The following TUBB8B variants were observed in gnomAD, a reference collection of about 807,000 sequenced individuals.
TUBB8B encodes the protein HSA18p11 beta-tubulin 4Q pseudogene.
TUBB8B carries 26 observed loss-of-function variants against 31.9 expected under a neutral mutation model. The observed-to-expected ratio is 0.81, with a 90% CI of 0.60 to 1.13. TUBB8B has a LOEUF of 1.13. TUBB8B is among the 50% of genes most tolerant of loss of function. The pLI, the probability that TUBB8B is intolerant of heterozygous loss-of-function variation, is 0.00. For synonymous variants in TUBB8B, 173 were observed against 231.0 expected (o/e 0.75, Z 2.28); for missense variants, 467 against 586.7 (o/e 0.80, Z 2.11).
chr18:48,313 A>C lies in TUBB8B; in HGVS notation c.412T>G (p.Ser138Ala). The stretch of plus-strand genomic sequence containing the variant: ...CCAGACCCAGTCCCCCCACCCAGGG[A>C]GTGGGTCAGCTGGAAACCCTGCAGG... ...DCLQGFQLTH[S>A]LGGGTGSGMG... Residue 138 changes from serine (S) to alanine (A), a missense_variant, in exon 4 of 4, where the codon TCC becomes GCC. Coordinates refer to ENST00000308911, the MANE Select transcript of TUBB8B (RefSeq NM_001358689.2). 6.2e-7 allele frequency: 1 copy of C among 1,610,256 alleles called. No individual in the cohort carries two copies.
the TUBB8B span, among the ~76,000 whole-genome samples, chr18:59,898 C>T: frequency 6.6e-6 from 1 of 151,776 alleles, no homozygotes; most frequent in East Asian, 1.9e-4. Flanking sequence ...GTTGAACCAT[C>T]CTTGTATCTC....
At chr18:64,172 C>A in the TUBB8B span, among the ~76,000 whole-genome samples, 3 of 152,086 alleles carry the variant, frequency 2.0e-5, no homozygotes, top group Non-Finnish European at 4.4e-5. Flanking sequence ...TTACCCCAAC[C>A]CTAAATCAAA....
At chr18:63,338 T>G in the TUBB8B span, among the ~76,000 whole-genome samples, 1 of 151,836 alleles carries the variant, frequency 6.6e-6, no homozygotes, top group Non-Finnish European at 1.5e-5. Flanking sequence ...GTAGCAAACA[T>G]GTAGAGGTAC....
chr18:72,874 G>A, the TUBB8B span, among the ~76,000 whole-genome samples: 1 of 152,132 alleles, frequency 6.6e-6, no homozygotes, highest in African/African-American at 2.4e-5. Context: ...GGCTGAGGCA[G>A]GAGAATCGCT....
upstream of TUBB8B, among the ~76,000 whole-genome samples, chr18:52,454 A>C (rs1428055716): frequency 6.6e-6 from 1 of 151,628 alleles, no homozygotes; most frequent in Non-Finnish European, 1.5e-5. Context: ...TTGGCCTCTA[A>C]TCTGAGTATG....
the TUBB8B span, among the ~76,000 whole-genome samples, chr18:62,428 T>TC: frequency 6.6e-6 from 1 of 150,514 alleles, no homozygotes; most frequent in Non-Finnish European, 1.5e-5. Context: ...TTTAATTTTT[T>TC]TTTTTTTTTT....
the TUBB8B span, among the ~76,000 whole-genome samples, chr18:65,666 C>T: frequency 6.6e-6 from 1 of 152,124 alleles, no homozygotes; most frequent in Admixed American, 6.5e-5. Flanking sequence ...TCATTTTCAT[C>T]ATTGTATTCA....
chr18:62,513 G>A, the TUBB8B span, among the ~76,000 whole-genome samples: 1 of 151,042 alleles, frequency 6.6e-6, no homozygotes, highest in Admixed American at 6.6e-5. Context: ...CCGCCTCTTG[G>A]GTTCACGCCA....
At chr18:64,859 T>A in the TUBB8B span, among the ~76,000 whole-genome samples, 3 of 152,128 alleles carry the variant, frequency 2.0e-5, no homozygotes, top group African/African-American at 7.2e-5. Context: ...TGCTAATTTT[T>A]TCCCCTAAAC....
At chr18:57,441 T>C in the TUBB8B span, among the ~76,000 whole-genome samples, 1 of 151,806 alleles carries the variant, frequency 6.6e-6, no homozygotes, top group Non-Finnish European at 1.5e-5. Flanking sequence ...ATTTTAAGGC[T>C]CCAAAATAAT....
At chr18:51,460 G>C (rs1906102603), upstream of TUBB8B, among the ~76,000 whole-genome samples, 1 of 151,824 alleles carries the variant, frequency 6.6e-6, no homozygotes, top group Non-Finnish European at 1.5e-5. Flanking sequence ...TTATTTTTGA[G>C]ACAGAGTCTT....
At chr18:63,314 AG>A in the TUBB8B span, among the ~76,000 whole-genome samples, 5 of 151,830 alleles carry the variant, frequency 3.3e-5, no homozygotes, top group African/African-American at 1.2e-4. Context: ...TTAGGTCCCA[AG>A]CCCAAAAGCA....
At chr18:68,184 G>T in the TUBB8B span, among the ~76,000 whole-genome samples, 6 of 152,114 alleles carry the variant, frequency 3.9e-5, no homozygotes, top group Non-Finnish European at 5.9e-5. Flanking sequence ...TTATTTTACA[G>T]TAATTTCATA....
chr18:67,602 G>T, the TUBB8B span, among the ~76,000 whole-genome samples: 10 of 152,146 alleles, frequency 6.6e-5, no homozygotes, highest in African/African-American at 2.4e-4. Context: ...CATGAATCAG[G>T]CATAATTACT....
the TUBB8B span, among the ~76,000 whole-genome samples, chr18:60,667 ATTGT>A: frequency 1.4e-5 from 2 of 144,772 alleles, no homozygotes; most frequent in South Asian, 2.1e-4. Flanking sequence ...TGTTTCTATT[ATTGT>A]TTGTTTCAAG....
At chr18:48,680 C>T in intron 3 of TUBB8B, 1 of 661,200 alleles carries the variant, frequency 1.5e-6, no homozygotes, top group Non-Finnish European at 2.7e-6. Context: ...CAGGTGGCTC[C>T]TGCCCATTCT....
the TUBB8B span, among the ~76,000 whole-genome samples, chr18:69,927 C>A: frequency 1.3e-5 from 2 of 152,066 alleles, no homozygotes; most frequent in African/African-American, 4.8e-5. Context: ...GAGGCCGAGG[C>A]GGGCGGATCA....
the TUBB8B span, among the ~76,000 whole-genome samples, chr18:64,712 G>A: frequency 1.4e-4 from 22 of 152,204 alleles, no homozygotes; most frequent in Admixed American, 1.2e-3. Context: ...GCAACAGAGC[G>A]AGAACCTGTC....
chr18:55,335 G>A, the TUBB8B span, among the ~76,000 whole-genome samples: 10 of 151,656 alleles, frequency 6.6e-5, no homozygotes, highest in African/African-American at 2.4e-4. Flanking sequence ...TCCTGACCTC[G>A]TGATCCACCC....
Sources: allele counts gnomAD v4.1 joint callset (sites outside exome capture counted in the v4.1 genomes callset), GRCh38; gene constraint gnomAD v4.1.1; transcripts MANE v1.5; gene names NCBI Gene and HGNC (gene_info 2026-07-23, HGNC 2026-07-21).